CPQ: variants seen among roughly 807,000 people sequenced by gnomAD.
CPQ encodes Ser-Met dipeptidase.
Under a neutral mutation model 45.7 loss-of-function variants are expected in CPQ, and 37 were observed. That is an observed-to-expected ratio of 0.81 (90% CI 0.62 to 1.07). The LOEUF (loss-of-function observed/expected upper bound fraction) is 1.07. Ranked by LOEUF, CPQ falls within the 50% of genes least tolerant of loss-of-function variation. CPQ has a pLI of 0.00. For synonymous variants in CPQ, 186 were observed against 205.8 expected, an observed-to-expected ratio of 0.90 and a Z score of 0.82; for missense variants, 537 against 572.9, an observed-to-expected ratio of 0.94 and a Z score of 0.64.
chr8:96,848,786 A>T (rs1013957373), intron 3 of CPQ, among the ~76,000 whole-genome samples: 3 of 152,202 alleles, frequency 2.0e-5, no homozygotes, highest in Non-Finnish European at 4.4e-5. Flanking sequence ...CAATGAATGA[A>T]CATCATTCCA....
intron 3 of CPQ, among the ~76,000 whole-genome samples, chr8:96,854,298 G>A (rs1563513564): frequency 6.6e-6 from 1 of 151,686 alleles, no homozygotes; most frequent in Non-Finnish European, 1.5e-5. Flanking sequence ...TTGGGAGGCC[G>A]AGGCGGGCGG....
chr8:96,851,878 A>G lies in CPQ; in HGVS notation c.641+16698A>G, dbSNP rs549783364. 4.5e-4 allele frequency among the ~76,000 whole-genome samples: 69 copies of G among 152,138 alleles called. 1 individual carries two copies. The South Asian group carries it at 7.9e-3, about 17-fold the overall frequency. On this transcript the variant is annotated intron_variant, in intron 3 of 7. Transcript: ENST00000220763. ...TTCCTGTGAGGCCCATTTGTTTCCTACCCTTTTCTCTTGTCCCCCTCTTCC... is the reference window on the plus strand; with the variant it reads ...TTCCTGTGAGGCCCATTTGTTTCCTGCCCTTTTCTCTTGTCCCCCTCTTCC...
chr8:97,021,461 T>TA (rs1253059024), intron 5 of CPQ, among the ~76,000 whole-genome samples: 1 of 152,142 alleles, frequency 6.6e-6, no homozygotes, highest in Non-Finnish European at 1.5e-5. Flanking sequence ...TAGAAAACCC[T>TA]AAAGACTCCT....
intron 1 of CPQ, among the ~76,000 whole-genome samples, chr8:96,703,217 A>G (rs1809491027): frequency 6.6e-6 from 1 of 152,186 alleles, no homozygotes; most frequent in African/African-American, 2.4e-5. Context: ...TCCATGAATA[A>G]TGAGACTTTG....
chr8:96,740,462 C>T (rs1343188732), intron 1 of CPQ, among the ~76,000 whole-genome samples: 4 of 151,820 alleles, frequency 2.6e-5, no homozygotes, highest in African/African-American at 7.3e-5. Flanking sequence ...ATTTCCTTCT[C>T]CTGCCTAATT....
chr8:96,794,678 G>T (rs1358237675), intron 2 of CPQ, among the ~76,000 whole-genome samples: 1 of 152,110 alleles, frequency 6.6e-6, no homozygotes, highest in Non-Finnish European at 1.5e-5. Flanking sequence ...TTTATGCTCT[G>T]CTTCCCTTAT....
intron 7 of CPQ, among the ~76,000 whole-genome samples, chr8:97,087,661 C>G (rs949933598): frequency 6.6e-6 from 1 of 152,106 alleles, no homozygotes; most frequent in Non-Finnish European, 1.5e-5. Flanking sequence ...TTCATTACCT[C>G]GTTCTAATCC....
intron 5 of CPQ, among the ~76,000 whole-genome samples, chr8:97,004,768 T>G (rs1418606402): frequency 6.6e-6 from 1 of 152,106 alleles, no homozygotes; most frequent in Non-Finnish European, 1.5e-5. Flanking sequence ...TAAGCTTTAA[T>G]GTAAAATGAA....
intron 7 of CPQ, among the ~76,000 whole-genome samples, chr8:97,104,499 T>A (rs1305332796): frequency 1.3e-5 from 2 of 152,198 alleles, no homozygotes; most frequent in African/African-American, 4.8e-5. Flanking sequence ...GCAACTTCAC[T>A]ACTAGGTTAT....
intron 1 of CPQ, among the ~76,000 whole-genome samples, chr8:96,749,768 T>C (rs553140904): frequency 2.0e-5 from 3 of 152,250 alleles, no homozygotes; most frequent in Admixed American, 2.0e-4. Context: ...GAAGTAGAAA[T>C]TGGTACAGCC....
intron 1 of CPQ, among the ~76,000 whole-genome samples, chr8:96,701,629 T>C (rs1006195853): frequency 1.3e-5 from 2 of 152,126 alleles, no homozygotes; most frequent in Non-Finnish European, 2.9e-5. Context: ...TCCGAAGAGA[T>C]CTGAGGTAGG....
chr8:96,958,043 A>G (rs180840897), intron 4 of CPQ, among the ~76,000 whole-genome samples: 47 of 151,178 alleles, frequency 3.1e-4, no homozygotes, highest in Admixed American at 8.6e-4. Context: ...TTCTCACTAC[A>G]TTGTACAGGC....
At chr8:96,971,239 G>A (rs1813672848) in intron 5 of CPQ, among the ~76,000 whole-genome samples, 1 of 152,136 alleles carries the variant, frequency 6.6e-6, no homozygotes, top group South Asian at 2.1e-4. Flanking sequence ...CCAGAATATT[G>A]ACAAGCTAGA....
At chr8:97,083,942 A>T (rs1810999566) in intron 7 of CPQ, among the ~76,000 whole-genome samples, 1 of 152,106 alleles carries the variant, frequency 6.6e-6, no homozygotes, top group African/African-American at 2.4e-5. Flanking sequence ...ATTTTTTTTC[A>T]CACTGCCATG....
chr8:96,717,053 A>G (rs867536340), intron 1 of CPQ, among the ~76,000 whole-genome samples: 1 of 107,204 alleles, frequency 9.3e-6, no homozygotes, highest in Non-Finnish European at 1.8e-5. Context: ...ATATATATAT[A>G]TATATATATA....
intron 5 of CPQ, among the ~76,000 whole-genome samples, chr8:97,004,582 A>G (rs1809347032): frequency 6.6e-6 from 1 of 152,098 alleles, no homozygotes; most frequent in Admixed American, 6.5e-5. Context: ...ATATCTGGAA[A>G]AGCTTTAGTT....
At chr8:96,704,541 C>T (rs1809508628) in intron 1 of CPQ, among the ~76,000 whole-genome samples, 1 of 152,058 alleles carries the variant, frequency 6.6e-6, no homozygotes, top group Admixed American at 6.6e-5. Context: ...AGTATATATT[C>T]TAGGCAGAGG....
intron 1 of CPQ, among the ~76,000 whole-genome samples, chr8:96,676,594 T>C: frequency 6.6e-6 from 1 of 152,138 alleles, no homozygotes; most frequent in Admixed American, 6.6e-5. Flanking sequence ...TCTTGGTTAT[T>C]GTGAATAGTG....
At chr8:96,937,144 G>A (rs1218769519) in intron 4 of CPQ, among the ~76,000 whole-genome samples, 4 of 152,052 alleles carry the variant, frequency 2.6e-5, no homozygotes, top group Non-Finnish European at 5.9e-5. Flanking sequence ...TTACACACAA[G>A]TAAATGGGCA....
Sources: gnomAD v4.1 joint callset for allele counts (sites outside exome capture counted in the v4.1 genomes callset) on GRCh38, gnomAD v4.1.1 for gene constraint, MANE v1.5 for transcripts, NCBI Gene and HGNC (gene_info 2026-07-23, HGNC 2026-07-21) for gene names.